Variants in ADCY2 observed in about 807,000 individuals in gnomAD.
ADCY2 encodes adenylate cyclase 2, also known as adenylate cyclase type 2.
Under a neutral mutation model 125.2 loss-of-function variants are expected in ADCY2, and 31 were observed. The observed-to-expected ratio is 0.25, with a 90% CI of 0.19 to 0.33. The LOEUF (loss-of-function observed/expected upper bound fraction) is 0.33, where lower values mean the gene tolerates loss of function less well. Ranked by LOEUF, ADCY2 falls within the 10% of genes least tolerant of loss-of-function variation. The pLI is 1.00. For synonymous variants in ADCY2, 512 were observed against 548.4 expected, an observed-to-expected ratio of 0.93 and a Z score of 0.93; for missense variants, 904 against 1,418.2, an observed-to-expected ratio of 0.64 and a Z score of 5.82.
intron 2 of ADCY2, among the ~76,000 whole-genome samples, chr5:7,471,671 T>A (rs1742341688): frequency 6.6e-6 from 1 of 152,072 alleles, no homozygotes; most frequent in Non-Finnish European, 1.5e-5. Context: ...ACTTTATTTC[T>A]GGAGATCTTC....
At chr5:7,685,846 G>T (rs1370761112) in intron 4 of ADCY2, among the ~76,000 whole-genome samples, 1 of 152,196 alleles carries the variant, frequency 6.6e-6, no homozygotes, top group East Asian at 1.9e-4. Context: ...GTTATGAAAT[G>T]ATTTCTGTTT....
At chr5:7,427,521 C>T (rs1357261331) in intron 2 of ADCY2, among the ~76,000 whole-genome samples, 1 of 152,146 alleles carries the variant, frequency 6.6e-6, no homozygotes, top group East Asian at 1.9e-4. Flanking sequence ...ATGGGGGAAA[C>T]TGCTCCCATG....
In ADCY2 at chr5:7,698,723, T is replaced by C. The variant is rs184017123; in HGVS notation, c.1109+349T>C. 1.9e-3 allele frequency among the ~76,000 whole-genome samples: 286 copies of C among 152,324 alleles called. 1 individual carries two copies. Among genetic ancestry groups the C allele is most frequent in the Non-Finnish European group, 3.3e-3 (227 of 68,030 alleles). ...CCCTGCCAAGGGCATGAACTCATCG[T>C]TTTTTATGGCTGCATAGTATTCCAT... On this transcript the variant is annotated intron_variant, in intron 7 of 24. Coordinates refer to ENST00000338316, the MANE Select transcript of ADCY2 (RefSeq NM_020546.3).
chr5:7,729,959 G>C (rs1445320025), intron 14 of ADCY2, among the ~76,000 whole-genome samples: 1 of 152,014 alleles, frequency 6.6e-6, no homozygotes, highest in African/African-American at 2.4e-5. Flanking sequence ...GGTGAAGCCT[G>C]AGATTTCAGT....
At chr5:7,813,827 G>A (rs564686827) in intron 22 of ADCY2, among the ~76,000 whole-genome samples, 19 of 152,348 alleles carry the variant, frequency 1.2e-4, no homozygotes, top group African/African-American at 4.6e-4. Flanking sequence ...GAGCTTGTTT[G>A]CTGCACCTTG....
At chr5:7,763,551 T>C (rs566175720) in intron 16 of ADCY2, among the ~76,000 whole-genome samples, 2 of 152,320 alleles carry the variant, frequency 1.3e-5, no homozygotes, top group Non-Finnish European at 2.9e-5. Context: ...ACAGCAACTG[T>C]GTCTCCATGA....
chr5:7,665,825 A>ATTTTTTT (rs1318244640), intron 4 of ADCY2, among the ~76,000 whole-genome samples: 2 of 74,874 alleles, frequency 2.7e-5, no homozygotes, highest in African/African-American at 5.5e-5. Context: ...TTTTAATTTA[A>ATTTTTTT]TTCTTTTTTT....
chr5:7,560,552 C>CT (rs756743086), intron 3 of ADCY2, among the ~76,000 whole-genome samples: 8 of 151,964 alleles, frequency 5.3e-5, no homozygotes, highest in Non-Finnish European at 8.8e-5. Flanking sequence ...ATGCACATGT[C>CT]TGATATTCAT....
chr5:7,779,281 A>G (rs993039291), intron 18 of ADCY2, among the ~76,000 whole-genome samples: 1 of 152,238 alleles, frequency 6.6e-6, no homozygotes, highest in Non-Finnish European at 1.5e-5. Flanking sequence ...GTTTGGACTC[A>G]TCTGCAGGAA....
intron 2 of ADCY2, among the ~76,000 whole-genome samples, chr5:7,503,783 C>T (rs1385294718): frequency 2.0e-5 from 3 of 152,212 alleles, no homozygotes; most frequent in Admixed American, 1.3e-4. Context: ...TGGGCACTCA[C>T]GCAACAAGAG....
At chr5:7,495,263 T>C (rs1743305695) in intron 2 of ADCY2, among the ~76,000 whole-genome samples, 1 of 152,190 alleles carries the variant, frequency 6.6e-6, no homozygotes, top group Non-Finnish European at 1.5e-5. Context: ...TTAAATTGGC[T>C]TCGTGGGAAC....
At chr5:7,535,687 G>A (rs10061240) in intron 3 of ADCY2, among the ~76,000 whole-genome samples, 57,475 of 152,058 alleles carry the variant, frequency 0.38, 12,210 homozygotes, top group Non-Finnish European at 0.47. Flanking sequence ...CACATTTATA[G>A]TATTATAGAA....
intron 4 of ADCY2, among the ~76,000 whole-genome samples, chr5:7,685,923 C>T (rs116396251): frequency 1.1e-3 from 163 of 152,292 alleles, no homozygotes; most frequent in African/African-American, 3.8e-3. Context: ...TGTTTGTCCA[C>T]TCTGTTAGCT....
At chr5:7,398,520 T>G (rs994928941) in intron 1 of ADCY2, among the ~76,000 whole-genome samples, 8 of 152,230 alleles carry the variant, frequency 5.3e-5, no homozygotes, top group African/African-American at 9.6e-5. Context: ...CCTCTTGCCT[T>G]CAGCTAAATC....
chr5:7,538,377 C>T (rs980574412), intron 3 of ADCY2, among the ~76,000 whole-genome samples: 10 of 152,208 alleles, frequency 6.6e-5, no homozygotes, highest in South Asian at 6.2e-4. Flanking sequence ...TAATGGAATA[C>T]GACTGAGGAT....
At chr5:7,442,251 T>C (rs1741041403) in intron 2 of ADCY2, among the ~76,000 whole-genome samples, 1 of 152,186 alleles carries the variant, frequency 6.6e-6, no homozygotes, top group Non-Finnish European at 1.5e-5. Context: ...TCTCCTCTTT[T>C]GTTCCTATCC....
Position 7,666,394 on chromosome 5 carries a change from G to A in ADCY2, c.721-24297G>A, listed in dbSNP as rs533352271. Among the ~76,000 whole-genome samples, 17 of 151,802 alleles carry A rather than the reference G, an allele frequency of 1.1e-4. No homozygotes were observed. In the South Asian group the frequency reaches 3.3e-3, roughly 30 times the overall value. ...CACCATTCTCCTGCCTCAGCCTCCT[G>A]AGTAGCTGGGACTACAGGCGCCCGC... is the stretch of plus-strand genomic sequence containing the variant. On this transcript the variant is annotated intron_variant, in intron 4 of 24. Coordinates refer to ENST00000338316, the MANE Select transcript of ADCY2 (RefSeq NM_020546.3).
chr5:7,656,040 GT>G (rs1239643380), intron 4 of ADCY2, among the ~76,000 whole-genome samples: 2 of 148,898 alleles, frequency 1.3e-5, no homozygotes, highest in Non-Finnish European at 3.0e-5. Flanking sequence ...GAGCTGTTAG[GT>G]TTTTTTCATT....
At chr5:7,821,608 C>A (rs1430510570) in intron 24 of ADCY2, among the ~76,000 whole-genome samples, 1 of 152,210 alleles carries the variant, frequency 6.6e-6, no homozygotes, top group Non-Finnish European at 1.5e-5. Flanking sequence ...CCTTGTACAG[C>A]GAATGTTCTC....
Sources: allele counts gnomAD v4.1 joint callset (sites outside exome capture counted in the v4.1 genomes callset), GRCh38; gene constraint gnomAD v4.1.1; transcripts MANE v1.5; gene names NCBI Gene and HGNC (gene_info 2026-07-23, HGNC 2026-07-21).